RNF216: variants seen among roughly 807,000 people sequenced by gnomAD.
RNF216 encodes E3 ubiquitin-protein ligase RNF216.
RNF216 carries 72 observed loss-of-function variants against 110.8 expected under a neutral mutation model. The ratio of observed to expected loss-of-function variants is 0.65; its 90% CI spans 0.54 to 0.79. The LOEUF is 0.79. RNF216 is among the 30% of genes least tolerant of loss of function. The pLI, the probability that RNF216 is intolerant of heterozygous loss-of-function variation, is 0.00. For missense variants in RNF216, 1,342 were observed against 1,141.2 expected (o/e 1.18, Z -2.54); for synonymous variants, 495 against 407.5 (o/e 1.21, Z -2.59).
rs767631495 is a variant in RNF216, at chr7:5,761,029, T to C, written c.41A>G (p.Asn14Ser). 1 of 1,584,902 alleles carries C rather than the reference T, an allele frequency of 6.3e-7. No individual in the cohort carries two copies. Among genetic ancestry groups the C allele is most frequent in the Non-Finnish European group, 8.5e-7 (1 of 1,171,296 alleles). ...GNNNEEVIHLNNFHCHRGQEW... is the reference protein window; with the variant it reads ...GNNNEEVIHLSNFHCHRGQEW... The stretch of plus-strand genomic sequence containing the variant: ...TTGTCCCCGATGGCAGTGAAAGTTG[T>C]TCAAGTGAATTACCTCTTCATTGTT... The change falls in exon 2 of 17, where the codon AAC becomes AGC. Residue 14 changes from asparagine (N) to serine (S), a missense_variant. Asn to Ser is a conservative substitution (Grantham distance 46). Coordinates refer to ENST00000389902, the MANE Select transcript of RNF216 (RefSeq NM_207111.4).
At chr7:5,625,471 A>C (rs1228813300) in intron 15 of RNF216, among the ~76,000 whole-genome samples, 1 of 152,178 alleles carries the variant, frequency 6.6e-6, no homozygotes, top group African/African-American at 2.4e-5. Context: ...TGACACCCAG[A>C]GCAGCAACTG....
chr7:5,644,533 T>A (rs55851619), intron 14 of RNF216, among the ~76,000 whole-genome samples: 5,887 of 151,544 alleles, frequency 0.039, 143 homozygotes, highest in Non-Finnish European at 0.051. Flanking sequence ...TGAGACAGAG[T>A]CTCACTCTGT....
At chr7:5,686,165 G>T (rs557383240) in intron 13 of RNF216, among the ~76,000 whole-genome samples, 1 of 149,736 alleles carries the variant, frequency 6.7e-6, no homozygotes, top group Admixed American at 6.7e-5. Flanking sequence ...AGAGGTTGCA[G>T]TGAGCCGAGA....
intron 9 of RNF216, among the ~76,000 whole-genome samples, chr7:5,719,072 A>G (rs990399255): frequency 1.3e-5 from 2 of 152,044 alleles, no homozygotes; most frequent in African/African-American, 4.8e-5. Context: ...AAGAACCAAG[A>G]CTTTTAGCAT....
At chr7:5,677,841 G>A (rs764018618) in intron 13 of RNF216, among the ~76,000 whole-genome samples, 3 of 152,184 alleles carry the variant, frequency 2.0e-5, no homozygotes, top group Non-Finnish European at 4.4e-5. Context: ...AGAATCAGGG[G>A]AAGGAGGATA....
intron 12 of RNF216, 45 bp from the exon 13 acceptor site, chr7:5,711,884 C>G (rs767311334): frequency 3.9e-6 from 6 of 1,557,134 alleles, no homozygotes; most frequent in South Asian, 1.1e-5. Context: ...AACATTAAAG[C>G]CTGATCTGGT....
intron 3 of RNF216, among the ~76,000 whole-genome samples, chr7:5,747,332 C>T (rs1336417751): frequency 6.6e-6 from 1 of 152,144 alleles, no homozygotes; most frequent in Admixed American, 6.5e-5. Context: ...CCAGCTAACA[C>T]ATGGTGGGAC....
At chr7:5,758,670 C>T (rs1209068153) in intron 2 of RNF216, among the ~76,000 whole-genome samples, 2 of 152,136 alleles carry the variant, frequency 1.3e-5, no homozygotes, top group Non-Finnish European at 2.9e-5. Context: ...GGACCTCTTG[C>T]GTCTTTCTTT....
intron 7 of RNF216, among the ~76,000 whole-genome samples, chr7:5,727,920 A>C (rs1036060163): frequency 6.6e-6 from 1 of 151,590 alleles, no homozygotes; most frequent in Non-Finnish European, 1.5e-5. Context: ...TCAAAGTCCT[A>C]TCACCATAAA....
chr7:5,716,267 T>C (rs1331894414), intron 10 of RNF216, among the ~76,000 whole-genome samples: 2 of 151,980 alleles, frequency 1.3e-5, no homozygotes, highest in African/African-American at 4.8e-5. Flanking sequence ...CCCAGCACTT[T>C]GGGAGGTTGA....
intron 15 of RNF216, among the ~76,000 whole-genome samples, chr7:5,637,388 A>G (rs1005826207): frequency 3.9e-5 from 6 of 152,200 alleles, no homozygotes; most frequent in Admixed American, 1.3e-4. Flanking sequence ...ACTGGGTCAT[A>G]AGCTTTGTAA....
At position 5,623,054 on chromosome 7, in the gene RNF216, C is replaced by T. The variant is rs767195404; in HGVS notation, c.2578G>A (p.Ala860Thr). The change falls in exon 17 of 17, where the codon GCG (alanine) becomes ACG (threonine). Residue 860 changes from alanine to threonine, a missense_variant. Ala to Thr is a moderately conservative substitution (Grantham distance 58). Coordinates refer to ENST00000389902, the MANE Select transcript of RNF216 (RefSeq NM_207111.4). ...PQPQMPPYAF[A>T]HPPFPLPPVR... The stretch of plus-strand genomic sequence containing the variant: ...GGAGGCAGGGGGAAGGGTGGGTGCG[C>T]GAAGGCATAGGGTGGCATCTGTGGC... 6.8e-6 allele frequency: 11 copies of T among 1,613,868 alleles called. No individual in the cohort carries two copies. Among genetic ancestry groups the T allele is most frequent in the South Asian group, 3.3e-5 (3 of 91,054 alleles).
At chr7:5,714,001 C>G (rs1792884013) in intron 11 of RNF216, among the ~76,000 whole-genome samples, 1 of 152,154 alleles carries the variant, frequency 6.6e-6, no homozygotes. Flanking sequence ...AAAACATAAA[C>G]TTTATTTATT....
intron 10 of RNF216, 125 bp from the exon 11 acceptor site, chr7:5,715,315 G>A: frequency 1.2e-6 from 1 of 843,288 alleles, no homozygotes; most frequent in Non-Finnish European, 1.9e-6. Flanking sequence ...CCATTTTAGG[G>A]GCCATAAAAC....
chr7:5,747,367 C>T (rs915306744), intron 3 of RNF216, among the ~76,000 whole-genome samples: 24 of 152,184 alleles, frequency 1.6e-4, no homozygotes, highest in Middle Eastern at 3.4e-3. Context: ...GGAGTAAAAA[C>T]GGATAAAAGC....
At position 5,647,508 on chromosome 7, in the gene RNF216, A is replaced by G. The variant is rs1444147815; in HGVS notation, c.2159+4905T>C. ...GCCACCATGCCTGGCTAATTTTTAGATTTTCTGTACAGAGAGGGTCTCACT... is the reference window on the plus strand; with the variant it reads ...GCCACCATGCCTGGCTAATTTTTAGGTTTTCTGTACAGAGAGGGTCTCACT... On this transcript the variant is annotated intron_variant, in intron 14 of 16. Coordinates refer to ENST00000389902, the MANE Select transcript of RNF216 (RefSeq NM_207111.4). 2.0e-5 allele frequency among the ~76,000 whole-genome samples: 3 copies of G among 150,658 alleles called. No homozygotes were observed. In the East Asian group the frequency reaches 5.9e-4, roughly 29 times the overall value.
In RNF216 at chr7:5,741,211, A is replaced by G. The variant is rs1259941048; in HGVS notation, c.806T>C (p.Phe269Ser). Reference protein sequence around the residue: ...ELGRLLFQHEFPGPAFPRPEP... With the variant: ...ELGRLLFQHESPGPAFPRPEP... ...CGGCCTTGGAAAAGCGGGCCCTGGGAATTCATGCTGAAACAACAAGCGGCC... is the reference window on the plus strand; with the variant it reads ...CGGCCTTGGAAAAGCGGGCCCTGGGGATTCATGCTGAAACAACAAGCGGCC... Residue 269 changes from phenylalanine (F) to serine (S), a missense_variant, in exon 4 of 17, where the codon TTC (phenylalanine) becomes TCC (serine). Coordinates refer to ENST00000389902, the MANE Select transcript of RNF216 (RefSeq NM_207111.4). 6 of 1,613,922 alleles carry G rather than the reference A, an allele frequency of 3.7e-6. No individual in the cohort carries two copies. The highest frequency in any genetic ancestry group is 5.1e-6 in the Non-Finnish European group (6 of 1,180,014).
intron 7 of RNF216, among the ~76,000 whole-genome samples, chr7:5,727,140 G>C (rs1163895751): frequency 1.3e-5 from 2 of 152,188 alleles, no homozygotes; most frequent in Non-Finnish European, 1.5e-5. Context: ...CTATGATGCA[G>C]TGTTTGCCTG....
chr7:5,700,984 T>C (rs1329274752), intron 13 of RNF216, among the ~76,000 whole-genome samples: 1 of 152,182 alleles, frequency 6.6e-6, no homozygotes, highest in Non-Finnish European at 1.5e-5. Context: ...TCATTTCTTC[T>C]GAATGTCATC....
Sources: allele counts gnomAD v4.1 joint callset (sites outside exome capture counted in the v4.1 genomes callset), GRCh38; gene constraint gnomAD v4.1.1; transcripts MANE v1.5; gene names NCBI Gene and HGNC (gene_info 2026-07-23, HGNC 2026-07-21).